Variants in IQCJ observed in about 807,000 individuals in gnomAD.
IQCJ encodes the protein IQ domain-containing protein J.
A neutral mutation model predicts 11.0 loss-of-function variants in IQCJ; 9 were observed. The observed-to-expected ratio is 0.82, with a 90% confidence interval of 0.49 to 1.43. The LOEUF is 1.43. Among genes scored for constraint, IQCJ ranks in the 40% most tolerant of loss-of-function variants. IQCJ has a pLI of 0.00. For synonymous variants in IQCJ, 55 were observed against 51.3 expected, an observed-to-expected ratio of 1.07 and a Z score of -0.31; for missense variants, 146 against 133.2, an observed-to-expected ratio of 1.10 and a Z score of -0.47.
intron 1 of IQCJ, among the ~76,000 whole-genome samples, chr3:159,090,712 C>T (rs1392207546): frequency 6.6e-6 from 1 of 151,828 alleles, no homozygotes; most frequent in African/African-American, 2.4e-5. Context: ...GCCTCTCTTT[C>T]CACAGGGTCT....
intron 1 of IQCJ, among the ~76,000 whole-genome samples, chr3:159,117,203 C>G (rs558221150): frequency 1.3e-5 from 2 of 152,288 alleles, no homozygotes; most frequent in African/African-American, 2.4e-5. Flanking sequence ...CATTCTGTAG[C>G]CTTTTCATCC....
At chr3:159,079,326 C>G (rs995705816) in intron 1 of IQCJ, among the ~76,000 whole-genome samples, 6 of 152,088 alleles carry the variant, frequency 3.9e-5, no homozygotes, top group African/African-American at 1.2e-4. Context: ...TCTTCTTGCT[C>G]TGGGGAGTTG....
At chr3:159,122,940 G>T (rs1302851268) in intron 1 of IQCJ, among the ~76,000 whole-genome samples, 1 of 152,176 alleles carries the variant, frequency 6.6e-6, no homozygotes, top group Non-Finnish European at 1.5e-5. Context: ...GAATGGTGAT[G>T]ATGTTATTAT....
intron 3 of IQCJ, among the ~76,000 whole-genome samples, chr3:159,254,956 C>T (rs529586370): frequency 5.9e-5 from 9 of 152,348 alleles, no homozygotes; most frequent in South Asian, 4.1e-4. Context: ...CCTTGCTCTG[C>T]GGGGGCTTTG....
chr3:159,088,766 T>TTTG (rs1716998038), intron 1 of IQCJ, among the ~76,000 whole-genome samples: 1 of 151,380 alleles, frequency 6.6e-6, no homozygotes. Context: ...GTTTTCCATT[T>TTTG]GCTTGGTAGA....
chr3:159,162,410 A>T (rs964742700), intron 1 of IQCJ, among the ~76,000 whole-genome samples: 8 of 152,214 alleles, frequency 5.3e-5, no homozygotes, highest in Non-Finnish European at 8.8e-5. Flanking sequence ...GAAGTTGCTT[A>T]TCAGCTTAAG....
At chr3:159,137,697 A>G (rs1482860679) in intron 1 of IQCJ, among the ~76,000 whole-genome samples, 1 of 152,192 alleles carries the variant, frequency 6.6e-6, no homozygotes, top group Non-Finnish European at 1.5e-5. Context: ...CCATGAGCTT[A>G]TTAGTGCCTA....
intron 1 of IQCJ, among the ~76,000 whole-genome samples, chr3:159,142,798 G>A (rs1404277874): frequency 1.3e-5 from 2 of 151,932 alleles, no homozygotes; most frequent in East Asian, 3.9e-4. Flanking sequence ...CATAATATTG[G>A]CTTTCTCACA....
chr3:159,115,984 G>T (rs1718970524), intron 1 of IQCJ, among the ~76,000 whole-genome samples: 1 of 152,058 alleles, frequency 6.6e-6, no homozygotes, highest in African/African-American at 2.4e-5. Flanking sequence ...ATGGGTTGAT[G>T]GGTGCAGCAA....
intron 1 of IQCJ, among the ~76,000 whole-genome samples, chr3:159,132,315 A>G (rs182607965): frequency 6.6e-6 from 1 of 152,266 alleles, no homozygotes; most frequent in East Asian, 1.9e-4. Context: ...TTGGAGAAAA[A>G]TTAAAAGAAA....
intron 1 of IQCJ, among the ~76,000 whole-genome samples, chr3:159,240,387 T>G (rs912777234): frequency 2.6e-5 from 4 of 152,200 alleles, no homozygotes. Flanking sequence ...TTGTTCTAAC[T>G]GCCTAAAAAG....
At chr3:159,248,938 C>A (rs755645091) in intron 2 of IQCJ, among the ~76,000 whole-genome samples, 5 of 151,750 alleles carry the variant, frequency 3.3e-5, no homozygotes, top group Middle Eastern at 3.2e-3. Flanking sequence ...CTCACTGCAA[C>A]CTCCACCTCC....
chr3:159,261,478 T>C (rs555114584), intron 3 of IQCJ, among the ~76,000 whole-genome samples: 9 of 152,272 alleles, frequency 5.9e-5, no homozygotes, highest in South Asian at 4.1e-4. Context: ...ATGTAGACAA[T>C]TGAATCATGG....
intron 1 of IQCJ, among the ~76,000 whole-genome samples, chr3:159,182,157 A>T (rs1202582940): frequency 2.6e-5 from 4 of 151,396 alleles, no homozygotes; most frequent in Admixed American, 1.3e-4. Context: ...TTCTCTCCCT[A>T]CTTCTTGGCT....
intron 1 of IQCJ, among the ~76,000 whole-genome samples, chr3:159,082,296 T>C (rs896412494): frequency 2.6e-5 from 4 of 152,044 alleles, no homozygotes; most frequent in Admixed American, 1.3e-4. Flanking sequence ...TAGATTGTGC[T>C]TCTATTTGCT....
chr3:159,249,305 G>A (rs1266047239), intron 2 of IQCJ, among the ~76,000 whole-genome samples: 2 of 152,124 alleles, frequency 1.3e-5, no homozygotes, highest in Non-Finnish European at 2.9e-5. Flanking sequence ...ATATACGTGG[G>A]TTTCCATCTG....
intron 1 of IQCJ, among the ~76,000 whole-genome samples, chr3:159,132,916 C>T (rs1159026483): frequency 1.5e-4 from 23 of 148,850 alleles, no homozygotes; most frequent in Non-Finnish European, 1.3e-4. Context: ...TGCTTGCTTT[C>T]TTGCTTGCTT....
rs57810703 is a variant in IQCJ at position 159,116,614 on chromosome 3, GTATATATATATATATATATATATATATA to G, written c.9+47202_9+47229del. Among the ~76,000 whole-genome samples the G allele has an allele frequency of 3.0e-3, 173 of 57,730 alleles. 1 individual carries two copies. The Middle Eastern group carries it at 0.051, about 17-fold the overall frequency. The allele number at this position is 57,730 out of a possible 152,430, so 37.9% of individuals were successfully genotyped here. On this transcript the variant is annotated intron_variant, in intron 1 of 3. Transcript: ENST00000397832. The stretch of plus-strand genomic sequence containing the variant: ...TTCTATTTTAGCATCCTGCTCATAT[GTATATATATATATATATATATATATATA>G]TATATATATATATATATATATATAT...
intron 1 of IQCJ, among the ~76,000 whole-genome samples, chr3:159,109,128 T>C (rs1718454705): frequency 6.6e-6 from 1 of 152,202 alleles, no homozygotes. Flanking sequence ...TTGAGCTGAG[T>C]GGAACCCAGG....
Sources: allele counts gnomAD v4.1 joint callset (sites outside exome capture counted in the v4.1 genomes callset), GRCh38; gene constraint gnomAD v4.1.1; transcripts MANE v1.5; gene names NCBI Gene and HGNC (gene_info 2026-07-23, HGNC 2026-07-21).